The following PCDH17 variants were observed in gnomAD, a reference collection of about 807,000 sequenced individuals.
The protein encoded by PCDH17 is protocadherin-17.
A neutral mutation model predicts 67.7 loss-of-function variants in PCDH17; 21 were observed. The observed-to-expected ratio is 0.31, with a 90% CI of 0.22 to 0.45. The LOEUF (loss-of-function observed/expected upper bound fraction) is 0.45, where lower values mean the gene tolerates loss of function less well. Ranked by LOEUF, PCDH17 falls within the 20% of genes least tolerant of loss-of-function variation. The probability of loss-of-function intolerance (pLI) is 1.00; values close to 1 mark genes in which losing one functional copy is unlikely to be tolerated. For missense variants in PCDH17, 1,471 were observed against 1,564.8 expected (o/e 0.94, Z 1.01); for synonymous variants, 701 against 656.7 (o/e 1.07, Z -1.03).
rs1955907604 is a variant in PCDH17 at position 57,725,330 on chromosome 13, T to C, written c.*36T>C. 2.6e-6 allele frequency: 4 copies of C among 1,545,840 alleles called. No homozygotes were observed. In the African/African-American group the frequency reaches 4.1e-5, roughly 16 times the overall value. On this transcript the variant is annotated 3_prime_UTR_variant, in exon 4 of 4. Transcript: ENST00000377918. ...AAAAAAAGGCATTGGCATTTTCTTG[T>C]CTCTTCTGTTGATTTAAAAATGATC...
intron 3 of PCDH17, among the ~76,000 whole-genome samples, chr13:57,683,434 G>A (rs1326253541): frequency 6.6e-6 from 1 of 151,796 alleles, no homozygotes; most frequent in African/African-American, 2.4e-5. Flanking sequence ...ATTTTGAAAC[G>A]TATGACTCCT....
intron 1 of PCDH17, among the ~76,000 whole-genome samples, chr13:57,652,278 C>A (rs2138002056): frequency 1.1e-5 from 1 of 93,608 alleles, no homozygotes; most frequent in East Asian, 2.8e-4. Flanking sequence ...GAGCGAGACT[C>A]CGTCTCAAAA....
rs1335126655 is a variant in PCDH17, at chr13:57,725,337, T to C, written c.*43T>C. On this transcript the variant is annotated 3_prime_UTR_variant, in exon 4 of 4. Transcript: ENST00000377918. ...GGCATTGGCATTTTCTTGTCTCTTC[T>C]GTTGATTTAAAAATGATCCCTCCTG... The C allele has an allele frequency of 6.5e-7, 1 of 1,530,372 alleles. No individual in the cohort carries two copies. The highest frequency in any genetic ancestry group is 8.8e-7 in the Non-Finnish European group (1 of 1,131,816). 94.8% of individuals were successfully genotyped at this position (1,530,372 alleles called of 1,614,324 possible).
intron 1 of PCDH17, among the ~76,000 whole-genome samples, chr13:57,659,064 T>G (rs1331571247): frequency 6.6e-6 from 1 of 151,848 alleles, no homozygotes; most frequent in Non-Finnish European, 1.5e-5. Context: ...CTATAATGGG[T>G]AGCATAATAT....
At chr13:57,674,523 T>C (rs1955365085) in intron 3 of PCDH17, among the ~76,000 whole-genome samples, 1 of 151,854 alleles carries the variant, frequency 6.6e-6, no homozygotes, top group South Asian at 2.1e-4. Context: ...TATGGGGTCT[T>C]GTTTCATTGG....
chr13:57,682,461 T>A (rs892203190), intron 3 of PCDH17, among the ~76,000 whole-genome samples: 3 of 151,800 alleles, frequency 2.0e-5, no homozygotes, highest in African/African-American at 7.2e-5. Context: ...ACTCTTCCAA[T>A]TACAATGCAC....
chr13:57,698,012 G>C (rs150670846), intron 3 of PCDH17, among the ~76,000 whole-genome samples: 2 of 151,626 alleles, frequency 1.3e-5, no homozygotes, highest in Admixed American at 1.3e-4. Context: ...CATCACAGCA[G>C]TGGGGCATCT....
chr13:57,648,798 A>G (rs1483033580), intron 1 of PCDH17, among the ~76,000 whole-genome samples: 1 of 152,036 alleles, frequency 6.6e-6, no homozygotes, highest in Non-Finnish European at 1.5e-5. Flanking sequence ...AGGGAAAAAA[A>G]TTAATGAAAC....
intron 3 of PCDH17, among the ~76,000 whole-genome samples, chr13:57,690,681 A>G (rs1228712232): frequency 3.3e-5 from 5 of 151,684 alleles, no homozygotes; most frequent in Non-Finnish European, 7.4e-5. Flanking sequence ...TGATGAAAGA[A>G]TACAACTTCT....
In PCDH17 at chr13:57,699,310, G is replaced by A. The variant is rs541921571; in HGVS notation, c.2798-25302G>A. On this transcript the variant is annotated intron_variant, in intron 3 of 3. Transcript: ENST00000377918. Reference sequence around the variant, plus strand: ...TTTTATATCCCCAAATTAAAAAAAGGTGAAAGTTTCTTTTAATTTCCTGAA... The same window carrying A: ...TTTTATATCCCCAAATTAAAAAAAGATGAAAGTTTCTTTTAATTTCCTGAA... Among the ~76,000 whole-genome samples the A allele has an allele frequency of 2.0e-5, 3 of 151,878 alleles. No homozygotes were observed. The South Asian group carries it at 6.2e-4, about 31-fold the overall frequency.
chr13:57,650,492 G>T (rs1190527245), intron 1 of PCDH17, among the ~76,000 whole-genome samples: 2 of 152,002 alleles, frequency 1.3e-5, no homozygotes, highest in Admixed American at 1.3e-4. Flanking sequence ...CCTACAAAAA[G>T]ATACTTTAAT....
At chr13:57,651,356 GTTTTTTTTTTTT>G (rs67207232) in intron 1 of PCDH17, among the ~76,000 whole-genome samples, 1 of 84,102 alleles carries the variant, frequency 1.2e-5, no homozygotes, top group Non-Finnish European at 2.2e-5. Flanking sequence ...TTTAATTGAG[GTTTTTTTTTTTT>G]TTTTTTTTTT....
intron 3 of PCDH17, among the ~76,000 whole-genome samples, chr13:57,710,116 G>C (rs1955761832): frequency 6.6e-6 from 1 of 151,806 alleles, no homozygotes; most frequent in Non-Finnish European, 1.5e-5. Flanking sequence ...TGATGGAATG[G>C]AAAGTGGGCT....
At chr13:57,698,531 T>C (rs1307435448) in intron 3 of PCDH17, among the ~76,000 whole-genome samples, 1 of 151,968 alleles carries the variant, frequency 6.6e-6, no homozygotes, top group East Asian at 1.9e-4. Context: ...GCACTATTCC[T>C]GCTCATGTTA....
chr13:57,727,041 G>A lies in PCDH17; in HGVS notation c.*1747G>A, dbSNP rs1449767265. The A allele has an allele frequency of 6.6e-6, 1 of 152,502 alleles. No individual in the cohort carries two copies. The highest frequency in any genetic ancestry group is 1.9e-4 in the East Asian group (1 of 5,190). 9.4% of individuals were successfully genotyped at this position (152,502 alleles called of 1,614,324 possible). A position where few individuals can be genotyped will look rare whatever the true frequency, so the allele number is the denominator to read the frequency against. The stretch of plus-strand genomic sequence containing the variant: ...GTTACACCTTTCCTTGTGACATTTA[G>A]CGAGTTTCAAACTTACTTCCATATG... On this transcript the variant is annotated 3_prime_UTR_variant, in exon 4 of 4. Transcript: ENST00000377918.
chr13:57,727,023 C>T lies in PCDH17; in HGVS notation c.*1729C>T, dbSNP rs1026221666. ...CTTCTATTCCTTCATTTGGTTACACCTTTCCTTGTGACATTTAGCGAGTTT... is the reference window on the plus strand; with the variant it reads ...CTTCTATTCCTTCATTTGGTTACACTTTTCCTTGTGACATTTAGCGAGTTT... On this transcript the variant is annotated 3_prime_UTR_variant, in exon 4 of 4. Coordinates refer to ENST00000377918, the MANE Select transcript of PCDH17 (RefSeq NM_001040429.3). The T allele has an allele frequency of 9.2e-5, 14 of 152,516 alleles. No homozygotes were observed. The highest frequency in any genetic ancestry group is 6.6e-5 in the Admixed American group (1 of 15,256). 9.4% of individuals were successfully genotyped at this position (152,516 alleles called of 1,614,324 possible).
At chr13:57,645,327 T>C (rs902151796) in intron 1 of PCDH17, among the ~76,000 whole-genome samples, 2 of 151,794 alleles carry the variant, frequency 1.3e-5, no homozygotes, top group Non-Finnish European at 3.0e-5. Flanking sequence ...TGACATGTAG[T>C]ATACACTTAA....
At position 57,695,944 on chromosome 13, in the gene PCDH17, A is replaced by C. The variant is rs114043158; in HGVS notation, c.2798-28668A>C. Among the ~76,000 whole-genome samples the C allele has an allele frequency of 3.3e-3, 507 of 151,488 alleles. 1 individual carries two copies. The highest frequency in any genetic ancestry group is 0.012 in the African/African-American group (482 of 41,502). Reference sequence around the variant, plus strand: ...AAGCAGAAAATCTGGGTCCTGGTTTAGTTTAATCAGTTGCTGATATAGATC... The same window carrying C: ...AAGCAGAAAATCTGGGTCCTGGTTTCGTTTAATCAGTTGCTGATATAGATC... On this transcript the variant is annotated intron_variant, in intron 3 of 3. Coordinates refer to ENST00000377918, the MANE Select transcript of PCDH17 (RefSeq NM_001040429.3).
intron 1 of PCDH17, among the ~76,000 whole-genome samples, chr13:57,654,760 TA>T (rs1458799366): frequency 6.6e-6 from 1 of 152,068 alleles, no homozygotes; most frequent in Non-Finnish European, 1.5e-5. Context: ...CTACCTAAAA[TA>T]GACTATTTCC....
Sources: allele counts gnomAD v4.1 joint callset (sites outside exome capture counted in the v4.1 genomes callset), GRCh38; gene constraint gnomAD v4.1.1; transcripts MANE v1.5; gene names NCBI Gene and HGNC (gene_info 2026-07-23, HGNC 2026-07-21).